Variants in ARHGEF38 observed in about 807,000 individuals in gnomAD.
ARHGEF38 encodes the protein Rho guanine nucleotide exchange factor 38.
ARHGEF38 carries 79 observed loss-of-function variants against 79.9 expected under a neutral mutation model. The ratio of observed to expected loss-of-function variants is 0.99; its 90% CI spans 0.82 to 1.19. The LOEUF (loss-of-function observed/expected upper bound fraction) is 1.19, where lower values mean the gene tolerates loss of function less well. Ranked by LOEUF, ARHGEF38 falls within the 50% of genes most tolerant of loss-of-function variation. The pLI, the probability that ARHGEF38 is intolerant of heterozygous loss-of-function variation, is 0.00. For missense variants in ARHGEF38, 962 were observed against 907.2 expected, an observed-to-expected ratio of 1.06 and a Z score of -0.78; for synonymous variants, 366 against 328.3, an observed-to-expected ratio of 1.11 and a Z score of -1.24.
intron 2 of ARHGEF38, among the ~76,000 whole-genome samples, chr4:105,592,449 A>G (rs1727384213): frequency 6.6e-6 from 1 of 151,926 alleles, no homozygotes; most frequent in Non-Finnish European, 1.5e-5. Context: ...TATGGACATT[A>G]CTACCATTTC....
At chr4:105,628,424 C>G (rs1347295259) in intron 3 of ARHGEF38, among the ~76,000 whole-genome samples, 1 of 152,206 alleles carries the variant, frequency 6.6e-6, no homozygotes, top group Non-Finnish European at 1.5e-5. Context: ...CATTTGCTAC[C>G]TGGTTCTGCT....
chr4:105,610,080 TA>T (rs1728224551), intron 2 of ARHGEF38, among the ~76,000 whole-genome samples: 1 of 152,056 alleles, frequency 6.6e-6, no homozygotes, highest in Admixed American at 6.6e-5. Context: ...AGCTGGAAGC[TA>T]TCATCCTCTG....
At position 105,677,999 on chromosome 4, in the gene ARHGEF38, A is replaced by C; in HGVS notation, c.*62A>C. ...GTTGATTGACTACCTCATAAAACTG[A>C]CATTACAAAACTTTGGACCAGAAAG... On this transcript the variant is annotated 3_prime_UTR_variant, in exon 14 of 14. Transcript: ENST00000420470. The C allele has an allele frequency of 7.2e-7, 1 of 1,381,704 alleles. No individual in the cohort carries two copies. The highest frequency in any genetic ancestry group is 9.5e-7 in the Non-Finnish European group (1 of 1,049,652). 85.6% of individuals were successfully genotyped at this position (1,381,704 alleles called of 1,614,324 possible). A position where few individuals can be genotyped will look rare whatever the true frequency, so the allele number is the denominator to read the frequency against.
chr4:105,648,606 T>A lies in ARHGEF38; in HGVS notation c.932T>A (p.Leu311Gln). 6.5e-7 allele frequency: 1 copy of A among 1,532,960 alleles called. No individual in the cohort carries two copies. The allele number at this position is 1,532,960 out of a possible 1,614,324, so 95.0% of individuals were successfully genotyped here. The stretch of plus-strand genomic sequence containing the variant: ...TCACTTAAAGACAAATTGTCTAAAC[T>A]AAATATTCATTCAATTAGCAAGAAA... ...DESLKDKLSK[L>Q]NIHSISKKSK... The change falls in exon 7 of 14, where the codon CTA (leucine) becomes CAA (glutamine). Residue 311 changes from leucine to glutamine, a missense_variant. Leu to Gln is a moderately radical substitution (Grantham distance 113, BLOSUM62 -2). Coordinates refer to ENST00000420470, the MANE Select transcript of ARHGEF38 (RefSeq NM_001242729.2).
intron 1 of ARHGEF38, among the ~76,000 whole-genome samples, chr4:105,560,858 T>A (rs1725484058): frequency 6.6e-6 from 1 of 152,200 alleles, no homozygotes; most frequent in Admixed American, 6.5e-5. Context: ...CCAGTGTCAC[T>A]ACAAAAAGCC....
At chr4:105,618,562 A>G (rs973617908) in intron 3 of ARHGEF38, among the ~76,000 whole-genome samples, 8 of 152,236 alleles carry the variant, frequency 5.3e-5, no homozygotes, top group African/African-American at 1.9e-4. Flanking sequence ...TAGAAGTTCC[A>G]GTGAGCTGAG....
intron 1 of ARHGEF38, among the ~76,000 whole-genome samples, chr4:105,586,807 G>A (rs922090471): frequency 1.3e-5 from 2 of 152,056 alleles, no homozygotes; most frequent in Non-Finnish European, 2.9e-5. Context: ...GTCCATACTG[G>A]TTTGTCAGCT....
At chr4:105,613,350 T>C in intron 2 of ARHGEF38, 34 bp from the exon 3 acceptor site, 1 of 1,606,098 alleles carries the variant, frequency 6.2e-7, no homozygotes. Context: ...AATACAGTGC[T>C]TCTCCATCAG....
At chr4:105,616,664 T>G (rs901532580) in intron 3 of ARHGEF38, among the ~76,000 whole-genome samples, 2 of 152,156 alleles carry the variant, frequency 1.3e-5, no homozygotes, top group African/African-American at 4.8e-5. Context: ...ATCAATGTTT[T>G]AGAAAAATTT....
intron 1 of ARHGEF38, among the ~76,000 whole-genome samples, chr4:105,569,120 T>G (rs936510939): frequency 1.3e-5 from 2 of 152,238 alleles, no homozygotes; most frequent in African/African-American, 4.8e-5. Context: ...AGCTGTGTAC[T>G]TTAGCAGGAC....
intron 1 of ARHGEF38, among the ~76,000 whole-genome samples, chr4:105,568,822 C>T (rs1036457694): frequency 2.6e-5 from 4 of 152,128 alleles, no homozygotes; most frequent in African/African-American, 9.7e-5. Flanking sequence ...TTGTTAGCAG[C>T]ATGAGAACAA....
intron 6 of ARHGEF38, among the ~76,000 whole-genome samples, chr4:105,648,184 G>A (rs184724765): frequency 5.9e-4 from 90 of 152,154 alleles, no homozygotes; most frequent in African/African-American, 1.8e-3. Flanking sequence ...CACCGTGCCC[G>A]GCTGAGTTGT....
At chr4:105,597,013 C>G (rs957144543) in intron 2 of ARHGEF38, among the ~76,000 whole-genome samples, 18 of 152,172 alleles carry the variant, frequency 1.2e-4, no homozygotes, top group African/African-American at 4.3e-4. Context: ...TCTGAATACT[C>G]TCACCACCCT....
intron 1 of ARHGEF38, among the ~76,000 whole-genome samples, chr4:105,571,557 A>C (rs1011698588): frequency 1.3e-5 from 2 of 151,928 alleles, no homozygotes; most frequent in Non-Finnish European, 2.9e-5. Flanking sequence ...TCCTGACCTC[A>C]GGTGATCCGC....
At chr4:105,580,286 A>G (rs1489844756) in intron 1 of ARHGEF38, among the ~76,000 whole-genome samples, 1 of 151,918 alleles carries the variant, frequency 6.6e-6, no homozygotes, top group African/African-American at 2.4e-5. Flanking sequence ...TTCCTTCTTT[A>G]GCTCTTTTAT....
In ARHGEF38 at chr4:105,673,232, C is replaced by G. The variant is rs116194846; in HGVS notation, c.2149-4520C>G. On this transcript the variant is annotated intron_variant, in intron 13 of 13. Transcript: ENST00000420470. ...AACATGTACAATAGGGGGTGGGATT[C>G]TTGGGGTCCATCCTAGAATTCTGCC... is the stretch of plus-strand genomic sequence containing the variant. Among the ~76,000 whole-genome samples the G allele has an allele frequency of 6.1e-3, 935 of 152,114 alleles. 8 individuals carry two copies. The highest frequency in any genetic ancestry group is 0.021 in the African/African-American group (890 of 41,504).
At chr4:105,585,604 G>A (rs186028483) in intron 1 of ARHGEF38, among the ~76,000 whole-genome samples, 56 of 151,744 alleles carry the variant, frequency 3.7e-4, no homozygotes, top group Middle Eastern at 3.4e-3. Flanking sequence ...ATAGCAATCT[G>A]AATATCCTTT....
At chr4:105,637,624 G>A (rs1436149533) in intron 5 of ARHGEF38, among the ~76,000 whole-genome samples, 1 of 152,092 alleles carries the variant, frequency 6.6e-6, no homozygotes, top group African/African-American at 2.4e-5. Flanking sequence ...CCAAGGACTG[G>A]AGCTTTGCAT....
At chr4:105,638,583 G>A (rs1729492552) in intron 5 of ARHGEF38, among the ~76,000 whole-genome samples, 1 of 152,070 alleles carries the variant, frequency 6.6e-6, no homozygotes, top group Admixed American at 6.6e-5. Context: ...AAATAAAAAT[G>A]AGGACAGTAA....
Sources: gnomAD v4.1 joint callset for allele counts (sites outside exome capture counted in the v4.1 genomes callset) on GRCh38, gnomAD v4.1.1 for gene constraint, MANE v1.5 for transcripts, NCBI Gene and HGNC (gene_info 2026-07-23, HGNC 2026-07-21) for gene names.